Variants in ZNF141 observed in about 807,000 individuals in gnomAD.
The protein encoded by ZNF141 is zinc finger protein 141 (clone pHZ-44).
ZNF141 carries 7 observed loss-of-function variants against 11.3 expected under a neutral mutation model. That is an observed-to-expected ratio of 0.62 (90% CI 0.35 to 1.16). ZNF141 has a LOEUF of 1.16. ZNF141 is among the 50% of genes most tolerant of loss of function. The pLI is 0.02. For synonymous variants in ZNF141, 183 were observed against 190.7 expected, an observed-to-expected ratio of 0.96 and a Z score of 0.33; for missense variants, 535 against 554.0, an observed-to-expected ratio of 0.97 and a Z score of 0.34.
intron 3 of ZNF141, among the ~76,000 whole-genome samples, chr4:349,018 A>T (rs1721470537): frequency 6.6e-6 from 1 of 152,114 alleles, no homozygotes; most frequent in Non-Finnish European, 1.5e-5. Flanking sequence ...ATAATACTAT[A>T]TGTTTTTTAT....
intron 3 of ZNF141, among the ~76,000 whole-genome samples, chr4:362,385 A>G (rs1711537476): frequency 6.6e-6 from 1 of 152,152 alleles, no homozygotes; most frequent in Admixed American, 6.5e-5. Flanking sequence ...TTGTTTAATT[A>G]GATTCCATTT....
intron 3 of ZNF141, among the ~76,000 whole-genome samples, chr4:346,841 ATATATATATGTATATACATGTATG>A (rs527760887): frequency 6.7e-6 from 1 of 148,836 alleles, no homozygotes; most frequent in Non-Finnish European, 1.5e-5. Flanking sequence ...ATGTGTGTGT[ATATATATATGTATATACATGTATG>A]TATATATATG....
At chr4:354,104 G>A (rs1345126913) in intron 3 of ZNF141, among the ~76,000 whole-genome samples, 4 of 152,304 alleles carry the variant, frequency 2.6e-5, no homozygotes, top group Non-Finnish European at 5.9e-5. Context: ...TTCTCCAGTA[G>A]AATAGGCTTC....
In ZNF141 at chr4:377,186, A is replaced by T. The variant is rs949894053; in HGVS notation, c.*3324A>T. Among the ~76,000 whole-genome samples, 2 of 152,146 alleles carry T rather than the reference A, an allele frequency of 1.3e-5. No homozygotes were observed. The highest frequency in any genetic ancestry group is 2.9e-5 in the Non-Finnish European group (2 of 68,006). Reference sequence around the variant, plus strand: ...TTGACATAAATGAGTTTATTTTGCCAATTTGTTCAGGTAAGTACTTGGAAA... The same window carrying T: ...TTGACATAAATGAGTTTATTTTGCCTATTTGTTCAGGTAAGTACTTGGAAA... On this transcript the variant is annotated 3_prime_UTR_variant, in exon 4 of 4. Coordinates refer to ENST00000240499, the MANE Select transcript of ZNF141 (RefSeq NM_003441.4).
At position 372,994 on chromosome 4, in the gene ZNF141, T is replaced by G; in HGVS notation, c.557T>G (p.Leu186Arg). The G allele has an allele frequency of 6.8e-6, 11 of 1,614,086 alleles. No individual in the cohort carries two copies. Among genetic ancestry groups the G allele is most frequent in the Non-Finnish European group, 9.3e-6 (11 of 1,179,976 alleles). The change falls in exon 4 of 4, where the codon CTA (leucine) becomes CGA (arginine). Residue 186 changes from leucine to arginine, a missense_variant. Transcript: ENST00000240499. Reference protein sequence around the residue: ...CGKSFQKFSHLTQHKVIHAGE... With the variant: ...CGKSFQKFSHRTQHKVIHAGE... Reference sequence around the variant, plus strand: ...AAATCATTTCAGAAGTTTTCACACCTAACTCAACATAAGGTAATTCATGCT... The same window carrying G: ...AAATCATTTCAGAAGTTTTCACACCGAACTCAACATAAGGTAATTCATGCT...
chr4:343,585 C>T (rs1256197284), intron 1 of ZNF141, among the ~76,000 whole-genome samples, 197 bp from the exon 2 acceptor site: 5 of 151,792 alleles, frequency 3.3e-5, no homozygotes, highest in African/African-American at 9.7e-5. Context: ...ATCAGCTGGG[C>T]GTGGTGGCGG....
At position 380,981 on chromosome 4, in the gene ZNF141, C is replaced by A. The variant is rs1375843114; in HGVS notation, c.*7119C>A. Among the ~76,000 whole-genome samples the A allele has an allele frequency of 2.0e-5, 3 of 152,140 alleles. No individual in the cohort carries two copies. The highest frequency in any genetic ancestry group is 2.0e-4 in the Admixed American group (3 of 15,272). ...CTCTAGAATTGCCCTTCGATACTGACGTACTTGGGAACAGCTTTCCTTTCA... is the reference window on the plus strand; with the variant it reads ...CTCTAGAATTGCCCTTCGATACTGAAGTACTTGGGAACAGCTTTCCTTTCA... On this transcript the variant is annotated 3_prime_UTR_variant, in exon 4 of 4. Transcript: ENST00000240499.
rs1319683108 is a variant in ZNF141, at chr4:374,883, A to G, written c.*1021A>G. The G allele has an allele frequency of 1.3e-5, 2 of 152,334 alleles. No individual in the cohort carries two copies. Among genetic ancestry groups the G allele is most frequent in the African/African-American group, 4.8e-5 (2 of 41,434 alleles). The allele number at this position is 152,334 out of a possible 1,614,324, so 9.4% of individuals were successfully genotyped here. Reference sequence around the variant, plus strand: ...CGTGGAAAGTGTGACAAAGCTTGCAACCACACTCAATCTATTCTAAATATA... The same window carrying G: ...CGTGGAAAGTGTGACAAAGCTTGCAGCCACACTCAATCTATTCTAAATATA... On this transcript the variant is annotated 3_prime_UTR_variant, in exon 4 of 4. Transcript: ENST00000240499.
intron 3 of ZNF141, among the ~76,000 whole-genome samples, chr4:362,591 C>CAT (rs1286913710): frequency 1.3e-5 from 2 of 152,182 alleles, no homozygotes; most frequent in African/African-American, 4.8e-5. Context: ...TCAGCTTTTA[C>CAT]ATATGGCTAG....
At chr4:349,837 T>G (rs1721506630) in intron 3 of ZNF141, among the ~76,000 whole-genome samples, 1 of 152,190 alleles carries the variant, frequency 6.6e-6, no homozygotes, top group South Asian at 2.1e-4. Flanking sequence ...GGCAGTAGAC[T>G]AGGGTTTTGA....
intron 3 of ZNF141, among the ~76,000 whole-genome samples, chr4:369,573 T>C (rs977142970): frequency 1.3e-5 from 2 of 151,376 alleles, no homozygotes; most frequent in South Asian, 2.1e-4. Flanking sequence ...GCTTACCTGT[T>C]TTATAAATTG....
chr4:378,079 C>G lies in ZNF141; in HGVS notation c.*4217C>G, dbSNP rs1440291159. On this transcript the variant is annotated 3_prime_UTR_variant, in exon 4 of 4. Coordinates refer to ENST00000240499, the MANE Select transcript of ZNF141 (RefSeq NM_003441.4). ...ACTCGGGAAGCTGAGGCAGGAGAAT[C>G]GCTTGAACCCAGGATGCAGAGGTTG... 6.6e-6 allele frequency: 1 copy of G among 151,912 alleles called. No homozygotes were observed. Among genetic ancestry groups the G allele is most frequent in the Non-Finnish European group, 1.5e-5 (1 of 68,024 alleles). 9.4% of individuals were successfully genotyped at this position (151,912 alleles called of 1,614,324 possible).
At chr4:364,668 G>C (rs1374738488) in intron 3 of ZNF141, among the ~76,000 whole-genome samples, 1 of 152,080 alleles carries the variant, frequency 6.6e-6, no homozygotes, top group African/African-American at 2.4e-5. Context: ...ACTGCAGAGC[G>C]GCAAATATTG....
At chr4:357,006 G>C (rs12647659) in intron 3 of ZNF141, among the ~76,000 whole-genome samples, 1 of 152,014 alleles carries the variant, frequency 6.6e-6, no homozygotes, top group Non-Finnish European at 1.5e-5. Flanking sequence ...TCAGGCTATA[G>C]TTCAGTGGTG....
chr4:367,812 A>G (rs983096464), intron 3 of ZNF141, among the ~76,000 whole-genome samples: 1 of 152,124 alleles, frequency 6.6e-6, no homozygotes, highest in Admixed American at 6.6e-5. Context: ...CCAAAACTTT[A>G]CAATCTTAAA....
At position 344,324 on chromosome 4, in the gene ZNF141, A is replaced by G. The variant is rs782470786; in HGVS notation, c.131-11A>G. On this transcript the variant is annotated splice_polypyrimidine_tract_variant and intron_variant, in intron 2 of 3. Transcript: ENST00000240499. ...AATAGTCATGTTATTATTTTTTTTA[A>G]AATAAAACAGGTGTTGCTATCTCTA... 6.2e-7 allele frequency: 1 copy of G among 1,603,258 alleles called. No homozygotes were observed. Among genetic ancestry groups the G allele is most frequent in the Non-Finnish European group, 8.5e-7 (1 of 1,172,552 alleles).
intron 3 of ZNF141, among the ~76,000 whole-genome samples, chr4:371,566 G>C (rs1428461062): frequency 2.7e-5 from 4 of 149,156 alleles, no homozygotes; most frequent in Non-Finnish European, 5.9e-5. Context: ...GTGTGTCAGA[G>C]TCTCGCTGTG....
rs192614028 is a variant in ZNF141, at chr4:359,886, G to C, written c.227-12778G>C. Among the ~76,000 whole-genome samples, 43 of 152,282 alleles carry C rather than the reference G, an allele frequency of 2.8e-4. 1 individual carries two copies. Among genetic ancestry groups the C allele is most frequent in the African/African-American group, 9.9e-4 (41 of 41,556 alleles). ...TCCACATCATGACTGACATGTGCAAGGGGTGCAGTTTGGGGTAATTCAGAG... is the reference window on the plus strand; with the variant it reads ...TCCACATCATGACTGACATGTGCAACGGGTGCAGTTTGGGGTAATTCAGAG... On this transcript the variant is annotated intron_variant, in intron 3 of 3. Transcript: ENST00000240499.
rs1712414554 is a variant in ZNF141 at position 377,212 on chromosome 4, A to G, written c.*3350A>G. On this transcript the variant is annotated 3_prime_UTR_variant, in exon 4 of 4. Transcript: ENST00000240499. The stretch of plus-strand genomic sequence containing the variant: ...ATTTGTTCAGGTAAGTACTTGGAAA[A>G]CTTTGTCAGTCATGGGGATGTTTTG... Among the ~76,000 whole-genome samples, 1 of 152,090 alleles carries G rather than the reference A, an allele frequency of 6.6e-6. No homozygotes were observed. Among genetic ancestry groups the G allele is most frequent in the Non-Finnish European group, 1.5e-5 (1 of 68,006 alleles).
Sources: gnomAD v4.1 joint callset for allele counts (sites outside exome capture counted in the v4.1 genomes callset) on GRCh38, gnomAD v4.1.1 for gene constraint, MANE v1.5 for transcripts, NCBI Gene and HGNC (gene_info 2026-07-23, HGNC 2026-07-21) for gene names.